The following OSBP2 variants were observed in gnomAD, a reference collection of about 807,000 sequenced individuals.
OSBP2 encodes oxysterol-binding protein 2.
Under a neutral mutation model 96.0 loss-of-function variants are expected in OSBP2, and 66 were observed. The ratio of observed to expected loss-of-function variants is 0.69; its 90% CI spans 0.56 to 0.84. The LOEUF (loss-of-function observed/expected upper bound fraction) is 0.84, where lower values mean the gene tolerates loss of function less well. Among genes scored for constraint, OSBP2 ranks in the 40% least tolerant of loss-of-function variants. The pLI is 0.00. For synonymous variants in OSBP2, 525 were observed against 520.9 expected, an observed-to-expected ratio of 1.01 and a Z score of -0.11; for missense variants, 1,038 against 1,222.7, an observed-to-expected ratio of 0.85 and a Z score of 2.25.
rs538946372 is a variant in OSBP2 at position 30,879,266 on chromosome 22, A to T, written c.1108-8160A>T. Among the ~76,000 whole-genome samples, 4 of 152,350 alleles carry T rather than the reference A, an allele frequency of 2.6e-5. No individual in the cohort carries two copies. The East Asian group carries it at 7.7e-4, about 29-fold the overall frequency. ...ACCGTCCTGCTCTGACAGCTTGCTC[A>T]TCCAGGGCCTGGGGAGATGGGTAAA... On this transcript the variant is annotated intron_variant, in intron 3 of 13. Transcript: ENST00000332585.
intron 2 of OSBP2, among the ~76,000 whole-genome samples, chr22:30,760,842 C>T (rs1331658378): frequency 6.6e-6 from 1 of 151,636 alleles, no homozygotes; most frequent in South Asian, 2.1e-4. Context: ...AAAAGAAAAT[C>T]AATATAAATG....
At chr22:30,704,899 C>T (rs1482089257) in intron 1 of OSBP2, among the ~76,000 whole-genome samples, 1 of 152,192 alleles carries the variant, frequency 6.6e-6, no homozygotes, top group South Asian at 2.1e-4. Context: ...TGTCAAAGGA[C>T]GGGCAGTCTC....
intron 2 of OSBP2, among the ~76,000 whole-genome samples, chr22:30,747,752 AC>A (rs2090023013): frequency 6.6e-6 from 1 of 152,068 alleles, no homozygotes; most frequent in Non-Finnish European, 1.5e-5. Context: ...AACACATCTG[AC>A]TGGTGTCCCA....
intron 2 of OSBP2, among the ~76,000 whole-genome samples, chr22:30,757,311 C>G (rs2090154169): frequency 1.3e-5 from 2 of 152,344 alleles, no homozygotes; most frequent in South Asian, 4.1e-4. Flanking sequence ...ATATGAATCC[C>G]AAATGATTCC....
In OSBP2 at chr22:30,794,671, C is replaced by T. The variant is rs536178061; in HGVS notation, c.853+53302C>T. Among the ~76,000 whole-genome samples the T allele has an allele frequency of 2.6e-5, 4 of 151,080 alleles. No homozygotes were observed. The East Asian group carries it at 8.0e-4, about 30-fold the overall frequency. On this transcript the variant is annotated intron_variant, in intron 2 of 13. Coordinates refer to ENST00000332585, the MANE Select transcript of OSBP2 (RefSeq NM_030758.4). ...CTTCCCAGACAATTTAAGAAGCTAA[C>T]AACAGTTAAATATCTTCCAGGAGGC...
In OSBP2 at chr22:30,695,009, A is replaced by C; in HGVS notation, c.100A>C (p.Thr34Pro). Reference protein sequence around the residue: ...FTVVPCLSCHTAAPGMSASTS... With the variant: ...FTVVPCLSCHPAAPGMSASTS... ...GGTTGTCCCCTGCCTGTCGTGCCAC[A>C]CGGCGGCGCCGGGCATGAGCGCTTC... The change falls in exon 1 of 14, where the codon ACG becomes CCG. Residue 34 changes from threonine to proline, a missense_variant. By Grantham distance (38) the Thr-to-Pro change is conservative. This residue lies in a region of OSBP2 where 281 missense variants were observed against 273.4 expected (regional missense o/e 1.03). Coordinates refer to ENST00000332585, the MANE Select transcript of OSBP2 (RefSeq NM_030758.4). The C allele has an allele frequency of 6.3e-7, 1 of 1,577,060 alleles. No individual in the cohort carries two copies. Among genetic ancestry groups the C allele is most frequent in the Non-Finnish European group, 8.6e-7 (1 of 1,165,074 alleles).
intron 2 of OSBP2, among the ~76,000 whole-genome samples, chr22:30,833,113 T>G (rs887177752): frequency 6.6e-6 from 1 of 152,204 alleles, no homozygotes; most frequent in Non-Finnish European, 1.5e-5. Context: ...CATAGAATCC[T>G]AGACTGTCAC....
chr22:30,834,782 A>T (rs1478430116), intron 2 of OSBP2, among the ~76,000 whole-genome samples: 1 of 147,794 alleles, frequency 6.8e-6, no homozygotes, highest in Non-Finnish European at 1.5e-5. Flanking sequence ...ATTTTCTCCT[A>T]TTCTATGGAT....
At chr22:30,861,587 C>G (rs2039212116) in intron 2 of OSBP2, among the ~76,000 whole-genome samples, 1 of 152,210 alleles carries the variant, frequency 6.6e-6, no homozygotes, top group Non-Finnish European at 1.5e-5. Flanking sequence ...AGATTAGATC[C>G]TGACGTGCCT....
At chr22:30,879,183 G>A (rs887340840) in intron 3 of OSBP2, among the ~76,000 whole-genome samples, 4 of 152,224 alleles carry the variant, frequency 2.6e-5, no homozygotes, top group East Asian at 1.9e-4. Flanking sequence ...TGAGAGGCCC[G>A]GAGCTGCCCT....
chr22:30,905,134 CTTTTTTTTTTTTTTTT>C (rs566334052), intron 12 of OSBP2, among the ~76,000 whole-genome samples: 6 of 68,704 alleles, frequency 8.7e-5, no homozygotes, highest in African/African-American at 1.2e-4. Context: ...CGAGACCCGT[CTTTTTTTTTTTTTTTT>C]TTTTTTTTTT....
At chr22:30,728,170 G>A (rs1456158854) in intron 1 of OSBP2, among the ~76,000 whole-genome samples, 1 of 152,016 alleles carries the variant, frequency 6.6e-6, no homozygotes, top group African/African-American at 2.4e-5. Context: ...GCTGAGGCGG[G>A]CGGATCACGA....
chr22:30,906,240 G>C lies in OSBP2; in HGVS notation c.2652G>C (p.Arg884Ser). ...DAYTPLWFEK[R>S]LDPLTGEMAC... Reference sequence around the variant, plus strand: ...ACACGCCACTGTGGTTTGAGAAGAGGCTGGATCCGCTGACCGGGGAGATGG... The same window carrying C: ...ACACGCCACTGTGGTTTGAGAAGAGCCTGGATCCGCTGACCGGGGAGATGG... The change falls in exon 14 of 14, where the codon AGG becomes AGC. Residue 884 changes from arginine to serine, a missense_variant. Coordinates refer to ENST00000332585, the MANE Select transcript of OSBP2 (RefSeq NM_030758.4). 1 of 1,614,202 alleles carries C rather than the reference G, an allele frequency of 6.2e-7. No individual in the cohort carries two copies. The highest frequency in any genetic ancestry group is 8.5e-7 in the Non-Finnish European group (1 of 1,180,036).
intron 2 of OSBP2, among the ~76,000 whole-genome samples, chr22:30,831,160 G>T (rs2038514475): frequency 6.6e-6 from 1 of 152,164 alleles, no homozygotes; most frequent in Admixed American, 6.5e-5. Flanking sequence ...ATCACCCTTG[G>T]CAAGAACGTT....
chr22:30,890,265 C>T lies in OSBP2; in HGVS notation c.1624-463C>T, dbSNP rs991203722. Among the ~76,000 whole-genome samples, 3 of 151,982 alleles carry T rather than the reference C, an allele frequency of 2.0e-5. No homozygotes were observed. Among genetic ancestry groups the T allele is most frequent in the Non-Finnish European group, 4.4e-5 (3 of 67,986 alleles). ...TGGCATCATGGTGGGGAGAGTGACC[C>T]TGCCCTATGTGACACCGAGATAGGG... On this transcript the variant is annotated intron_variant, in intron 7 of 13. Coordinates refer to ENST00000332585, the MANE Select transcript of OSBP2 (RefSeq NM_030758.4). This position sits in a 1 kb window ranked among gnomAD's most constrained non-coding sequence, Gnocchi z 4.4.
chr22:30,854,168 CA>C (rs2039032813), intron 2 of OSBP2, among the ~76,000 whole-genome samples: 2 of 152,140 alleles, frequency 1.3e-5, no homozygotes, highest in South Asian at 4.1e-4. Context: ...AAGAAATTTA[CA>C]ACAGTGTACT....
At chr22:30,773,773 A>C (rs1249909459) in intron 2 of OSBP2, among the ~76,000 whole-genome samples, 1 of 152,096 alleles carries the variant, frequency 6.6e-6, no homozygotes. Flanking sequence ...TCACAGAGCC[A>C]TCTTGGAAAA....
chr22:30,848,620 A>G (rs1569149046), intron 2 of OSBP2, among the ~76,000 whole-genome samples: 1 of 152,192 alleles, frequency 6.6e-6, no homozygotes, highest in Non-Finnish European at 1.5e-5. Context: ...TTAGATAGCA[A>G]CTGATCTTTA....
rs1315266643 is a variant in OSBP2, at chr22:30,893,624, C to T, written c.2095-14C>T. The T allele has an allele frequency of 1.9e-6, 3 of 1,613,550 alleles. No individual in the cohort carries two copies. The highest frequency in any genetic ancestry group is 2.5e-6 in the Non-Finnish European group (3 of 1,179,556). ...CCCGGGGGCTGGCCGCTGACCACTG[C>T]CCTCCTTCGCCAGTCAGGGGACATC... On this transcript the variant is annotated splice_polypyrimidine_tract_variant and intron_variant, in intron 10 of 13. Transcript: ENST00000332585.
Sources: gnomAD v4.1 joint callset for allele counts (sites outside exome capture counted in the v4.1 genomes callset) on GRCh38, gnomAD v4.1.1 for gene constraint, gnomAD v4.1.1 regional missense constraint, Gnocchi (gnomAD v3.1) non-coding constraint, MANE v1.5 for transcripts, NCBI Gene and HGNC (gene_info 2026-07-23, HGNC 2026-07-21) for gene names.